The following OR56A3 variants were observed in gnomAD, a reference collection of about 807,000 sequenced individuals.
OR56A3 encodes the protein olfactory receptor 56A3.
OR56A3 carries 23 observed loss-of-function variants against 17.5 expected under a neutral mutation model. That is an observed-to-expected ratio of 1.32 (90% confidence interval 0.95 to 1.87). The LOEUF (loss-of-function observed/expected upper bound fraction) is 1.87. Ranked by LOEUF, OR56A3 falls within the 40% of genes most tolerant of loss-of-function variation. OR56A3 has a pLI of 0.00. For missense variants in OR56A3, 366 were observed against 380.1 expected (o/e 0.96, Z 0.31); for synonymous variants, 175 against 150.6 (o/e 1.16, Z -1.19).
At chr11:6,001,649 G>A in the OR56A3 span, 194 of 159,602 alleles carry the variant, frequency 1.2e-3, 1 homozygote, top group Admixed American at 3.6e-3. Context: ...CTACCAGGCT[G>A]AATCAGAGAC....
chr11:5,961,563 A>G, the OR56A3 span, among the ~76,000 whole-genome samples: 1 of 152,086 alleles, frequency 6.6e-6, no homozygotes, highest in Non-Finnish European at 1.5e-5. Context: ...ACTCGTTAAG[A>G]GTCATCACCA....
At chr11:6,015,255 C>T in the OR56A3 span, among the ~76,000 whole-genome samples, 1 of 152,160 alleles carries the variant, frequency 6.6e-6, no homozygotes, top group Non-Finnish European at 1.5e-5. Flanking sequence ...AGTCCAGAAG[C>T]CTAGGAGGGA....
the OR56A3 span, chr11:6,001,137 T>A: frequency 6.6e-6 from 1 of 152,140 alleles, no homozygotes; most frequent in Non-Finnish European, 1.5e-5. Flanking sequence ...ACCTAGAACT[T>A]TCATGTCTGG....
intron 2 of OR56A3, among the ~76,000 whole-genome samples, chr11:5,946,083 A>C (rs895288537): frequency 5.9e-5 from 9 of 152,210 alleles, no homozygotes; most frequent in African/African-American, 1.7e-4. Context: ...ACCCTTGCCA[A>C]GCTACAGTGT....
At chr11:6,014,865 G>C in the OR56A3 span, among the ~76,000 whole-genome samples, 1 of 151,894 alleles carries the variant, frequency 6.6e-6, no homozygotes, top group Non-Finnish European at 1.5e-5. Context: ...AGCTTTGTTG[G>C]ATTGTGCCCC....
At chr11:5,943,525 A>C (rs1481191730) in intron 1 of OR56A3, 1 of 151,478 alleles carries the variant, frequency 6.6e-6, no homozygotes, top group Non-Finnish European at 1.5e-5. Flanking sequence ...AAAAAAAAAA[A>C]AAAAAAACCA....
At chr11:5,951,876 A>G (rs1847910308), downstream of OR56A3, among the ~76,000 whole-genome samples, 2 of 152,198 alleles carry the variant, frequency 1.3e-5, no homozygotes, top group South Asian at 4.1e-4. Context: ...ATCAAAAAGT[A>G]AGGTAATTTT....
rs775753247 is a variant in OR56A3, at chr11:5,948,195, C to T, written c.849C>T (p.Leu283=). Residue 283 remains leucine, a synonymous_variant, in exon 3 of 3, where the codon CTC becomes CTT. Transcript: ENST00000641160. ...SPDVPVLLNV[L]HHVIPAALNP... ...ATGTGCCAGTCTTGCTCAATGTTCT[C>T]CACCATGTCATTCCTGCAGCCCTTA... 6.2e-7 allele frequency: 1 copy of T among 1,614,120 alleles called. No homozygotes were observed. Among genetic ancestry groups the T allele is most frequent in the African/African-American group, 1.3e-5 (1 of 74,952 alleles).
chr11:5,967,908 G>C, the OR56A3 span: 3 of 1,592,066 alleles, frequency 1.9e-6, no homozygotes, highest in Non-Finnish European at 2.6e-6. Context: ...CTGATTCAAG[G>C]TGATGTCATC....
At chr11:6,016,812 GA>G in the OR56A3 span, among the ~76,000 whole-genome samples, 2 of 110,216 alleles carry the variant, frequency 1.8e-5, no homozygotes, top group African/African-American at 7.1e-5. Context: ...TCAACAAAGA[GA>G]TATCATTAAA....
At position 5,947,372 on chromosome 11, in the gene OR56A3, T is replaced by C. The variant is rs777237819; in HGVS notation, c.26T>C (p.Leu9Pro). ...ATGACAACACACCGAAATGACACCCTCTCCACTGAAGCTTCAGACTTCCTC... is the reference window on the plus strand; with the variant it reads ...ATGACAACACACCGAAATGACACCCCCTCCACTGAAGCTTCAGACTTCCTC... MTTHRNDT[L>P]STEASDFLLN... is the part of the protein sequence containing the mutation. The change falls in exon 3 of 3, where the codon CTC becomes CCC. Residue 9 changes from leucine to proline, a missense_variant. Leu to Pro is a moderately conservative substitution (Grantham distance 98). Transcript: ENST00000641160. 6.2e-7 allele frequency: 1 copy of C among 1,608,634 alleles called. No homozygotes were observed. The highest frequency in any genetic ancestry group is 2.2e-5 in the East Asian group (1 of 44,732).
the OR56A3 span, chr11:5,985,797 G>T: frequency 1.4e-6 from 1 of 711,550 alleles, no homozygotes; most frequent in Non-Finnish European, 2.2e-6. Flanking sequence ...GTATCTGTGG[G>T]TGTTCTTTAG....
At position 5,948,203 on chromosome 11, in the gene OR56A3, T is replaced by C; in HGVS notation, c.857T>C (p.Val286Ala). Residue 286 changes from valine to alanine, a missense_variant, in exon 3 of 3, where the codon GTC becomes GCC. Coordinates refer to ENST00000641160, the MANE Select transcript of OR56A3 (RefSeq NM_001003443.3). Reference sequence around the variant, plus strand: ...GTCTTGCTCAATGTTCTCCACCATGTCATTCCTGCAGCCCTTAACCCCATC... The same window carrying C: ...GTCTTGCTCAATGTTCTCCACCATGCCATTCCTGCAGCCCTTAACCCCATC... ...VPVLLNVLHH[V>A]IPAALNPIIY... is the part of the protein sequence containing the mutation. 6.2e-7 allele frequency: 1 copy of C among 1,614,254 alleles called. No individual in the cohort carries two copies. Among genetic ancestry groups the C allele is most frequent in the Non-Finnish European group, 8.5e-7 (1 of 1,180,036 alleles).
At chr11:5,963,822 A>G in the OR56A3 span, among the ~76,000 whole-genome samples, 3 of 152,114 alleles carry the variant, frequency 2.0e-5, no homozygotes, top group Non-Finnish European at 2.9e-5. Flanking sequence ...CTTGAATGCC[A>G]ATAACTTGTA....
At chr11:5,957,337 C>T in the OR56A3 span, among the ~76,000 whole-genome samples, 1 of 152,208 alleles carries the variant, frequency 6.6e-6, no homozygotes, top group South Asian at 2.1e-4. Flanking sequence ...ATGTGTCATT[C>T]TATTCTCCCA....
the OR56A3 span, chr11:6,000,731 G>C: frequency 6.6e-6 from 1 of 152,160 alleles, no homozygotes; most frequent in Non-Finnish European, 1.5e-5. Flanking sequence ...AGCAAAATGG[G>C]AATAAGTAAT....
At chr11:6,001,836 T>G in the OR56A3 span, 7 of 493,084 alleles carry the variant, frequency 1.4e-5, no homozygotes, top group African/African-American at 1.4e-4. Flanking sequence ...AAAGTAACCA[T>G]AGAATCCAGA....
chr11:6,017,993 A>G, the OR56A3 span, among the ~76,000 whole-genome samples: 2 of 151,764 alleles, frequency 1.3e-5, no homozygotes, highest in Admixed American at 6.6e-5. Context: ...TATGATGACA[A>G]AGGGATCAAT....
downstream of OR56A3, among the ~76,000 whole-genome samples, chr11:5,953,226 A>G (rs1246199450): frequency 2.0e-5 from 3 of 152,194 alleles, no homozygotes; most frequent in Admixed American, 6.5e-5. Context: ...AGAAATCTCC[A>G]AACTGCTTTC....
Sources: allele counts gnomAD v4.1 joint callset (sites outside exome capture counted in the v4.1 genomes callset), GRCh38; gene constraint gnomAD v4.1.1; transcripts MANE v1.5; gene names NCBI Gene and HGNC (gene_info 2026-07-23, HGNC 2026-07-21).